Variants in KLHDC1 observed in about 807,000 individuals in gnomAD.
KLHDC1 encodes kelch domain-containing protein 1.
Under a neutral mutation model 68.3 loss-of-function variants are expected in KLHDC1, and 53 were observed. The observed-to-expected ratio is 0.78, with a 90% CI of 0.62 to 0.98. The LOEUF (loss-of-function observed/expected upper bound fraction) is 0.98, where lower values mean the gene tolerates loss of function less well. Ranked by LOEUF, KLHDC1 falls within the 50% of genes least tolerant of loss-of-function variation. KLHDC1 has a pLI of 0.00. For missense variants in KLHDC1, 470 were observed against 492.3 expected, an observed-to-expected ratio of 0.95 and a Z score of 0.43; for synonymous variants, 148 against 159.0, an observed-to-expected ratio of 0.93 and a Z score of 0.52.
At chr14:49,699,161 CA>C (rs34856234) in intron 1 of KLHDC1, among the ~76,000 whole-genome samples, 64,214 of 107,256 alleles carry the variant, frequency 0.6, 17,879 homozygotes, top group East Asian at 0.83. Context: ...AAGACTGTCT[CA>C]AAAAAAAAAA....
chr14:49,701,579 A>T (rs1785488012), intron 1 of KLHDC1, among the ~76,000 whole-genome samples: 1 of 152,008 alleles, frequency 6.6e-6, no homozygotes, highest in Non-Finnish European at 1.5e-5. Flanking sequence ...GAATTGCTTG[A>T]ACCCGGAGGG....
In KLHDC1 at chr14:49,720,482, CT is replaced by C. The variant is rs879637820; in HGVS notation, c.405-3382del. 5.3e-3 allele frequency among the ~76,000 whole-genome samples: 792 copies of C among 149,172 alleles called. 6 individuals carry two copies. The highest frequency in any genetic ancestry group is 7.7e-3 in the Non-Finnish European group (516 of 67,084). On this transcript the variant is annotated intron_variant, in intron 4 of 12. Transcript: ENST00000359332. ...TGTGTTTTTGTTTCTCTGTATGTGT[CT>C]TTTTTTTTTCTTTATCTGTTCTATA...
At chr14:49,709,134 A>C (rs759830781) in intron 1 of KLHDC1, 25 bp from the exon 2 acceptor site, 1 of 988,666 alleles carries the variant, frequency 1.0e-6, no homozygotes, top group Non-Finnish European at 1.6e-6. Flanking sequence ...TGATAAACAT[A>C]ATTTTATGTA....
intron 8 of KLHDC1, among the ~76,000 whole-genome samples, chr14:49,730,345 C>T (rs188006705): frequency 3.3e-5 from 5 of 151,708 alleles, no homozygotes; most frequent in African/African-American, 7.3e-5. Context: ...CCTCAGCCTC[C>T]GGAGTAGCTG....
At chr14:49,746,491 G>A (rs942842781) in intron 12 of KLHDC1, among the ~76,000 whole-genome samples, 1 of 152,128 alleles carries the variant, frequency 6.6e-6, no homozygotes, top group Non-Finnish European at 1.5e-5. Context: ...CAAAAACCAA[G>A]AGAAGGGAGA....
intron 4 of KLHDC1, among the ~76,000 whole-genome samples, chr14:49,713,827 TATATATATATATATATATATA>T (rs1451980264): frequency 2.6e-3 from 16 of 6,242 alleles, no homozygotes; most frequent in East Asian, 5.4e-3. Context: ...TATATATATA[TATATATATATATATATATATA>T]TATTTTTTTT....
In KLHDC1 at chr14:49,728,998, G is replaced by T; in HGVS notation, c.640G>T (p.Gly214Ter). The change falls in exon 7 of 13, where the codon GGA becomes TGA. Residue 214 changes from glycine to a stop codon, truncating the protein, a stop_gained. Coordinates refer to ENST00000359332, the MANE Select transcript of KLHDC1 (RefSeq NM_172193.3). LOFTEE classifies it high-confidence loss of function. ...TGGAAATAAGGGTTATATCTTTGGC[G>T]GACGTGTTCTGGTTAGTGTTTTTAA... is the stretch of plus-strand genomic sequence containing the variant. ...VLGNKGYIFGGRVLQTRMNDL... is the reference protein window; with the variant it reads ...VLGNKGYIFG 1 of 1,611,360 alleles carries T rather than the reference G, an allele frequency of 6.2e-7. No homozygotes were observed. The highest frequency in any genetic ancestry group is 8.5e-7 in the Non-Finnish European group (1 of 1,177,548).
At chr14:49,742,820 C>A (rs1453767626) in intron 11 of KLHDC1, among the ~76,000 whole-genome samples, 2 of 151,978 alleles carry the variant, frequency 1.3e-5, no homozygotes, top group African/African-American at 2.4e-5. Flanking sequence ...CGTGGTGGCT[C>A]ATACCTGTAA....
At chr14:49,717,632 G>A (rs567439939) in intron 4 of KLHDC1, among the ~76,000 whole-genome samples, 1 of 151,868 alleles carries the variant, frequency 6.6e-6, no homozygotes, top group East Asian at 1.9e-4. Context: ...ATATTTAATT[G>A]TATTTTATTT....
In KLHDC1 at chr14:49,693,291, G is replaced by T; in HGVS notation, c.96+1G>T. The T allele has an allele frequency of 6.5e-7, 1 of 1,539,440 alleles. No homozygotes were observed. The highest frequency in any genetic ancestry group is 8.7e-7 in the Non-Finnish European group (1 of 1,144,058). On this transcript the variant is annotated splice_donor_variant, in intron 1 of 12. Coordinates refer to ENST00000359332, the MANE Select transcript of KLHDC1 (RefSeq NM_172193.3). LOFTEE classifies it high-confidence loss of function. ...CCTCTACGTGTGGGGGGGCTACGTG[G>T]TAAGGGGAAGAGGCGGGACGGGGTA...
At chr14:49,695,907 A>T (rs1887727059) in intron 1 of KLHDC1, among the ~76,000 whole-genome samples, 1 of 152,006 alleles carries the variant, frequency 6.6e-6, no homozygotes, top group Non-Finnish European at 1.5e-5. Context: ...TACTAAAAAT[A>T]CAAAAAAAAT....
intron 4 of KLHDC1, among the ~76,000 whole-genome samples, chr14:49,716,752 G>A (rs1038893314): frequency 6.6e-6 from 1 of 152,048 alleles, no homozygotes; most frequent in Admixed American, 6.6e-5. Context: ...ACTATATTAA[G>A]TGTACAATTC....
intron 1 of KLHDC1, among the ~76,000 whole-genome samples, chr14:49,699,823 T>C (rs929343738): frequency 1.3e-5 from 2 of 152,176 alleles, no homozygotes; most frequent in Non-Finnish European, 2.9e-5. Context: ...TCCTCTTAGT[T>C]CTACATCCTT....
chr14:49,715,748 A>C (rs1888355467), intron 4 of KLHDC1, among the ~76,000 whole-genome samples: 2 of 122,652 alleles, frequency 1.6e-5, no homozygotes, highest in South Asian at 5.4e-4. Flanking sequence ...TCAAAAAAAA[A>C]AAAAAAAAAA....
At chr14:49,743,731 A>G in intron 11 of KLHDC1, 22 bp from the exon 12 acceptor site, 2 of 1,496,050 alleles carry the variant, frequency 1.3e-6, no homozygotes, top group Non-Finnish European at 1.8e-6. Flanking sequence ...AAACTTAATA[A>G]TGCCTTTTTT....
chr14:49,737,864 CAAAAAAA>C (rs760826908), intron 10 of KLHDC1, among the ~76,000 whole-genome samples: 5 of 50,278 alleles, frequency 9.9e-5, no homozygotes, highest in African/African-American at 3.9e-4. Flanking sequence ...GATCCTGTCT[CAAAAAAA>C]AAAAAAAAAA....
intron 12 of KLHDC1, among the ~76,000 whole-genome samples, chr14:49,747,038 C>T (rs1375077721): frequency 6.6e-6 from 1 of 151,794 alleles, no homozygotes; most frequent in East Asian, 1.9e-4. Flanking sequence ...GCTCCACCTC[C>T]CGGGTTCACG....
chr14:49,703,214 T>C (rs1887955785), intron 1 of KLHDC1, among the ~76,000 whole-genome samples: 1 of 152,062 alleles, frequency 6.6e-6, no homozygotes, highest in South Asian at 2.1e-4. Context: ...TTGATTACAT[T>C]GCTCCCACTA....
chr14:49,744,290 ATATGTGTGTGTG>A (rs1014788567), intron 12 of KLHDC1, among the ~76,000 whole-genome samples: 12 of 49,878 alleles, frequency 2.4e-4, no homozygotes, highest in Middle Eastern at 8.1e-3. Flanking sequence ...AAGCCTGTAT[ATATGTGTGTGTG>A]TGTGTGTGTG....
Sources: allele counts gnomAD v4.1 joint callset (sites outside exome capture counted in the v4.1 genomes callset), GRCh38; gene constraint gnomAD v4.1.1; transcripts MANE v1.5; gene names NCBI Gene and HGNC (gene_info 2026-07-23, HGNC 2026-07-21).